The following REEP1 variants were observed in gnomAD, a reference collection of about 807,000 sequenced individuals.
REEP1 encodes receptor accessory protein 1.
REEP1 carries 22 observed loss-of-function variants against 40.3 expected under a neutral mutation model. The ratio of observed to expected loss-of-function variants is 0.55; its 90% CI spans 0.39 to 0.78. The LOEUF (loss-of-function observed/expected upper bound fraction) is 0.78. REEP1 is among the 30% of genes least tolerant of loss of function. The probability of loss-of-function intolerance (pLI) is 0.00; values close to 1 mark genes in which losing one functional copy is unlikely to be tolerated. For missense variants in REEP1, 280 were observed against 361.1 expected (o/e 0.78, Z 1.82); for synonymous variants, 116 against 139.2 (o/e 0.83, Z 1.17).
chr2:86,314,140 C>T (rs1262800934), intron 1 of REEP1, among the ~76,000 whole-genome samples: 1 of 152,170 alleles, frequency 6.6e-6, no homozygotes, highest in African/African-American at 2.4e-5. Context: ...CAAATTCTCC[C>T]GGGAGCAGTG....
chr2:86,297,681 G>A, intron 1 of REEP1: 1 of 984,562 alleles, frequency 1.0e-6, no homozygotes, highest in Non-Finnish European at 1.2e-6. Flanking sequence ...TTCCAAGGTG[G>A]ATGTTTTCTG....
At chr2:86,301,059 C>A (rs1284035354) in intron 1 of REEP1, among the ~76,000 whole-genome samples, 1 of 152,190 alleles carries the variant, frequency 6.6e-6, no homozygotes, top group Non-Finnish European at 1.5e-5. Flanking sequence ...GAGGTGACCA[C>A]CAAACGTGTA....
At position 86,232,652 on chromosome 2, in the gene REEP1, T is replaced by G; in HGVS notation, c.568A>C (p.Ser190Arg). 1 of 1,612,994 alleles carries G rather than the reference T, an allele frequency of 6.2e-7. No individual in the cohort carries two copies. The highest frequency in any genetic ancestry group is 8.5e-7 in the Non-Finnish European group (1 of 1,179,998). The stretch of plus-strand genomic sequence containing the variant: ...GAGCTGCTAGCGCTCTCAGAAGCAC[T>G]CCTGGACATCTTAGGCTGGCCGTGT... ...GKHGQPKMSR[S>R]ASESASSSVC... is the part of the protein sequence containing the mutation. Residue 190 changes from serine (S) to arginine (R), a missense_variant, in exon 6 of 9, where the codon AGT becomes CGT. This residue lies in a region of REEP1 where 201 missense variants were observed against 238.5 expected (regional missense o/e 0.84). Transcript: ENST00000538924.
At chr2:86,264,491 C>T (rs1677040576) in intron 2 of REEP1, among the ~76,000 whole-genome samples, 1 of 152,170 alleles carries the variant, frequency 6.6e-6, no homozygotes, top group South Asian at 2.1e-4. Flanking sequence ...TCAATTTCTA[C>T]TGCCTTTCTC....
chr2:86,228,174 A>G (rs946318466), intron 6 of REEP1, among the ~76,000 whole-genome samples: 1 of 152,106 alleles, frequency 6.6e-6, no homozygotes, highest in East Asian at 1.9e-4. Flanking sequence ...CCCTTCTCCA[A>G]CGCCTAGACC....
chr2:86,299,859 C>A (rs1679178416), intron 1 of REEP1, among the ~76,000 whole-genome samples: 2 of 152,156 alleles, frequency 1.3e-5, no homozygotes, highest in South Asian at 4.1e-4. Flanking sequence ...CATCCACAAT[C>A]CAACACCCAG....
At chr2:86,235,465 A>C (rs561130885) in intron 5 of REEP1, among the ~76,000 whole-genome samples, 1 of 152,342 alleles carries the variant, frequency 6.6e-6, no homozygotes, top group African/African-American at 2.4e-5. Flanking sequence ...AACTATGATG[A>C]TAATGATGTT....
At chr2:86,232,898 G>A in intron 5 of REEP1, 96 bp from the exon 6 acceptor site, 1 of 1,238,340 alleles carries the variant, frequency 8.1e-7, no homozygotes, top group Non-Finnish European at 1.1e-6. Context: ...CAGCCAGGTG[G>A]AAATCAAGAC....
At chr2:86,273,282 C>T (rs1558905686) in intron 2 of REEP1, among the ~76,000 whole-genome samples, 9 of 138,816 alleles carry the variant, frequency 6.5e-5, no homozygotes, top group Non-Finnish European at 9.4e-5. Flanking sequence ...TGGCCCCTAC[C>T]TTTTTTTTTT....
intron 5 of REEP1, among the ~76,000 whole-genome samples, chr2:86,248,082 G>GA (rs1178802138): frequency 1.3e-5 from 2 of 152,112 alleles, no homozygotes; most frequent in Non-Finnish European, 2.9e-5. Flanking sequence ...CTGAAGTATG[G>GA]AAAAAAGAAG....
intron 1 of REEP1, among the ~76,000 whole-genome samples, chr2:86,319,883 G>A (rs1302720045): frequency 1.3e-5 from 2 of 152,138 alleles, no homozygotes; most frequent in East Asian, 1.9e-4. Context: ...TTAAAGTGAC[G>A]CATTTACAAG....
At chr2:86,227,509 A>G in intron 6 of REEP1, 111 bp from the exon 7 acceptor site, 1 of 868,818 alleles carries the variant, frequency 1.2e-6, no homozygotes, top group Non-Finnish European at 1.5e-6. Context: ...TGTGTACAAT[A>G]TAGGGATCCC....
chr2:86,307,580 G>A (rs1042852262), intron 1 of REEP1, among the ~76,000 whole-genome samples: 4 of 152,158 alleles, frequency 2.6e-5, no homozygotes, highest in African/African-American at 9.7e-5. Context: ...CTGGGCAAGA[G>A]TGAGACCCTG....
intron 1 of REEP1, among the ~76,000 whole-genome samples, chr2:86,299,816 A>T (rs1335447945): frequency 3.3e-5 from 5 of 152,244 alleles, no homozygotes; most frequent in African/African-American, 1.2e-4. Flanking sequence ...GAAAAATTTT[A>T]AAATATGTAA....
intron 6 of REEP1, among the ~76,000 whole-genome samples, chr2:86,228,650 G>A (rs752049958): frequency 1.3e-5 from 2 of 152,072 alleles, no homozygotes; most frequent in Non-Finnish European, 2.9e-5. Context: ...TAGAGACAGG[G>A]TTTCTCTGTG....
rs536133985 is a variant in REEP1, at chr2:86,256,950, A to G, written c.183-2136T>C. Among the ~76,000 whole-genome samples the G allele has an allele frequency of 2.0e-5, 3 of 152,206 alleles. No individual in the cohort carries two copies. The East Asian group carries it at 5.8e-4, about 29-fold the overall frequency. On this transcript the variant is annotated intron_variant, in intron 3 of 8. Coordinates refer to ENST00000538924, the MANE Select transcript of REEP1 (RefSeq NM_001371279.1). The stretch of plus-strand genomic sequence containing the variant: ...CCTTAACTCTCACACAGACACCCCT[A>G]TCCCCCAGTCAGTAGCCTTACCCAC...
chr2:86,291,371 C>T (rs1265319913), intron 1 of REEP1, among the ~76,000 whole-genome samples: 1 of 152,154 alleles, frequency 6.6e-6, no homozygotes, highest in Non-Finnish European at 1.5e-5. Flanking sequence ...TTCACATAAA[C>T]GAGGTTCTCT....
intron 5 of REEP1, among the ~76,000 whole-genome samples, chr2:86,235,120 G>A (rs1675244730): frequency 6.6e-6 from 1 of 152,044 alleles, no homozygotes; most frequent in Non-Finnish European, 1.5e-5. Context: ...ACTTTTTATG[G>A]GCAAGAACAT....
At chr2:86,245,004 G>C (rs969874025) in intron 5 of REEP1, among the ~76,000 whole-genome samples, 2 of 152,214 alleles carry the variant, frequency 1.3e-5, no homozygotes, top group South Asian at 2.1e-4. Context: ...AAACTAGCCA[G>C]GCGTGGGGGC....
Sources: allele counts gnomAD v4.1 joint callset (sites outside exome capture counted in the v4.1 genomes callset), GRCh38; gene constraint gnomAD v4.1.1; regional missense constraint gnomAD v4.1.1; transcripts MANE v1.5; gene names NCBI Gene and HGNC (gene_info 2026-07-23, HGNC 2026-07-21).